The following ZNF714 variants were observed in gnomAD, a reference collection of about 807,000 sequenced individuals.
ZNF714 encodes zinc finger protein 714.
Under a neutral mutation model 46.2 loss-of-function variants are expected in ZNF714, and 32 were observed. The ratio of observed to expected loss-of-function variants is 0.69; its 90% CI spans 0.52 to 0.93. ZNF714 has a LOEUF of 0.93. ZNF714 is among the 40% of genes least tolerant of loss of function. The pLI is 0.00. For synonymous variants in ZNF714, 199 were observed against 213.1 expected (o/e 0.93, Z 0.58); for missense variants, 635 against 646.3 (o/e 0.98, Z 0.19).
chr19:21,090,868 T>G (rs1325758078), intron 2 of ZNF714: 1 of 138,270 alleles, frequency 7.2e-6, no homozygotes, highest in Admixed American at 8.2e-5. Flanking sequence ...TATTTATGCC[T>G]CTCCTTTTTT....
chr19:21,099,069 A>G (rs530948291), intron 4 of ZNF714, among the ~76,000 whole-genome samples, 159 bp downstream of exon 4: 2 of 152,118 alleles, frequency 1.3e-5, no homozygotes, highest in Non-Finnish European at 1.5e-5. Flanking sequence ...TTCTCTCACT[A>G]AAGGGCATCT....
At chr19:21,116,006 T>C (rs941309534) in intron 4 of ZNF714, among the ~76,000 whole-genome samples, 2 of 151,932 alleles carry the variant, frequency 1.3e-5, no homozygotes, top group Non-Finnish European at 2.9e-5. Context: ...TTTTATAATA[T>C]TTTTGATAGA....
In ZNF714 at chr19:21,117,284, G is replaced by A. The variant is rs751250571; in HGVS notation, c.620G>A (p.Gly207Asp). ...GEKPFKCEEC[G>D]KAFKHSSTLT... is the part of the protein sequence containing the mutation. ...AAACCCTTCAAATGTGAAGAATGTG[G>A]CAAAGCTTTTAAGCACTCCTCAACC... Residue 207 changes from glycine to aspartate, a missense_variant, in exon 5 of 5, where the codon GGC becomes GAC. Transcript: ENST00000456283. 1 of 1,613,718 alleles carries A rather than the reference G, an allele frequency of 6.2e-7. No homozygotes were observed. Among genetic ancestry groups the A allele is most frequent in the Non-Finnish European group, 8.5e-7 (1 of 1,179,868 alleles).
chr19:21,101,208 A>G (rs949246960), intron 4 of ZNF714, among the ~76,000 whole-genome samples: 8 of 152,152 alleles, frequency 5.3e-5, no homozygotes, highest in African/African-American at 1.9e-4. Flanking sequence ...TTTTATATTG[A>G]TATCTGTGAA....
At chr19:21,098,934 A>G in intron 4 of ZNF714, 24 bp downstream of exon 4, 1 of 1,216,324 alleles carries the variant, frequency 8.2e-7, no homozygotes, top group East Asian at 2.4e-5. Context: ...AACACAACAG[A>G]TGACACAGAT....
In ZNF714 at chr19:21,117,144, A is replaced by T. The variant is rs1223858381; in HGVS notation, c.480A>T (p.Leu160=). 6.2e-7 allele frequency: 1 copy of T among 1,613,824 alleles called. No homozygotes were observed. Among genetic ancestry groups the T allele is most frequent in the Non-Finnish European group, 8.5e-7 (1 of 1,179,920 alleles). ...AATCATTTTGCATGCTTTTACACCT[A>T]CATCAACATAAAAGAATTCATATTA... is the stretch of plus-strand genomic sequence containing the variant. ...CDESFCMLLH[L]HQHKRIHIRE... Residue 160 remains leucine (L), a synonymous_variant, in exon 5 of 5, where the codon CTA becomes CTT. Coordinates refer to ENST00000456283, the MANE Select transcript of ZNF714 (RefSeq NM_182515.4).
intron 4 of ZNF714, among the ~76,000 whole-genome samples, chr19:21,108,364 A>G (rs1453049274): frequency 2.0e-5 from 3 of 152,204 alleles, no homozygotes; most frequent in East Asian, 1.9e-4. Flanking sequence ...GGTCTGTGGT[A>G]TGGTTTGGAT....
intron 2 of ZNF714, among the ~76,000 whole-genome samples, chr19:21,090,650 G>C (rs1283285216): frequency 6.6e-6 from 1 of 152,008 alleles, no homozygotes; most frequent in African/African-American, 2.4e-5. Context: ...AGATGTTACT[G>C]GAAAGAAGTT....
At position 21,124,658 on chromosome 19, in the gene ZNF714, T is replaced by G. The variant is rs1218808922; in HGVS notation, c.*6326T>G. Among the ~76,000 whole-genome samples, 1 of 152,210 alleles carries G rather than the reference T, an allele frequency of 6.6e-6. No homozygotes were observed. Among genetic ancestry groups the G allele is most frequent in the African/African-American group, 2.4e-5 (1 of 41,470 alleles). On this transcript the variant is annotated 3_prime_UTR_variant, in exon 5 of 5. Coordinates refer to ENST00000456283, the MANE Select transcript of ZNF714 (RefSeq NM_182515.4). ...TTTCAAAAATCCAAATACATTATTATGAACTATAGTCACCATGTTGTACAA... is the reference window on the plus strand; with the variant it reads ...TTTCAAAAATCCAAATACATTATTAGGAACTATAGTCACCATGTTGTACAA...
In ZNF714 at chr19:21,117,370, A is replaced by G. The variant is rs963976726; in HGVS notation, c.706A>G (p.Lys236Glu). The change falls in exon 5 of 5, where the codon AAA becomes GAA. Residue 236 changes from lysine to glutamate, a missense_variant. Transcript: ENST00000456283. Reference protein sequence around the residue: ...EKPYRCEECGKAFYHSSHLTT... With the variant: ...EKPYRCEECGEAFYHSSHLTT... ...ACCCTACAGATGTGAAGAATGTGGC[A>G]AAGCCTTCTACCATTCTTCACACCT... 16 of 1,613,076 alleles carry G rather than the reference A, an allele frequency of 9.9e-6. No homozygotes were observed. The highest frequency in any genetic ancestry group is 1.4e-5 in the Non-Finnish European group (16 of 1,179,366).
intron 2 of ZNF714, among the ~76,000 whole-genome samples, chr19:21,085,737 G>C (rs1056409680): frequency 2.0e-5 from 3 of 152,178 alleles, no homozygotes; most frequent in Admixed American, 1.3e-4. Flanking sequence ...TCTGCTGACA[G>C]AGCCCTGGAA....
chr19:21,101,856 C>G (rs980610575), intron 4 of ZNF714, among the ~76,000 whole-genome samples: 7 of 152,140 alleles, frequency 4.6e-5, no homozygotes, highest in African/African-American at 1.7e-4. Flanking sequence ...AACCAGGGGT[C>G]CTGTAGTTTC....
intron 4 of ZNF714, among the ~76,000 whole-genome samples, chr19:21,113,417 G>A (rs931857482): frequency 2.0e-5 from 3 of 151,976 alleles, no homozygotes; most frequent in Non-Finnish European, 4.4e-5. Flanking sequence ...CCAGGCTGGG[G>A]TGCAGTGGCA....
At chr19:21,097,108 C>T (rs894618050) in intron 2 of ZNF714, among the ~76,000 whole-genome samples, 8 of 152,048 alleles carry the variant, frequency 5.3e-5, no homozygotes, top group Non-Finnish European at 7.4e-5. Context: ...CATCATGATC[C>T]GCCTGCCTCA....
intron 4 of ZNF714, among the ~76,000 whole-genome samples, chr19:21,107,239 TTC>T (rs35703752): frequency 0.52 from 78,501 of 150,676 alleles, 23,650 homozygotes; most frequent in East Asian, 0.73. Flanking sequence ...TAGACAAGTT[TTC>T]TTTCTTTTTT....
chr19:21,107,481 C>T (rs980658498), intron 4 of ZNF714, among the ~76,000 whole-genome samples: 5 of 152,124 alleles, frequency 3.3e-5, no homozygotes, highest in Non-Finnish European at 5.9e-5. Flanking sequence ...TCAGGTGATC[C>T]GCCCACCTTG....
chr19:21,084,719 T>G (rs1968734616), intron 2 of ZNF714, among the ~76,000 whole-genome samples: 2 of 149,596 alleles, frequency 1.3e-5, no homozygotes, highest in South Asian at 4.2e-4. Flanking sequence ...TTTTTTTTTT[T>G]TTTGAGACAG....
At chr19:21,086,867 A>G (rs1968791739) in intron 2 of ZNF714, among the ~76,000 whole-genome samples, 2 of 152,148 alleles carry the variant, frequency 1.3e-5, no homozygotes, top group South Asian at 4.1e-4. Context: ...TTCTGTAACT[A>G]CTTCATGCTG....
At position 21,123,151 on chromosome 19, in the gene ZNF714, C is replaced by CTA. The variant is rs1555702791; in HGVS notation, c.*4819_*4820insTA. ...CCTGGACAAGAGCAAAACTCTGTCT[C>CTA]AAAAAAAAAAAAAAAAAAAGATTAA... On this transcript the variant is annotated 3_prime_UTR_variant, in exon 5 of 5. Transcript: ENST00000456283. 1 of 106,010 alleles carries CTA rather than the reference C, an allele frequency of 9.4e-6. No individual in the cohort carries two copies. The highest frequency in any genetic ancestry group is 1.8e-5 in the Non-Finnish European group (1 of 55,122). The allele number at this position is 106,010 out of a possible 1,614,324, so 6.6% of individuals were successfully genotyped here. A position where few individuals can be genotyped will look rare whatever the true frequency, so the allele number is the denominator to read the frequency against.
Sources: allele counts gnomAD v4.1 joint callset (sites outside exome capture counted in the v4.1 genomes callset), GRCh38; gene constraint gnomAD v4.1.1; transcripts MANE v1.5; gene names NCBI Gene and HGNC (gene_info 2026-07-23, HGNC 2026-07-21).